Variants in RNF19B observed in about 807,000 individuals in gnomAD.
RNF19B encodes E3 ubiquitin-protein ligase RNF19B.
In RNF19B, 23 loss-of-function variants were observed where a neutral mutation model predicts 65.5. The ratio of observed to expected loss-of-function variants is 0.35; its 90% CI spans 0.25 to 0.50. The LOEUF (loss-of-function observed/expected upper bound fraction) is 0.50. RNF19B is among the 20% of genes least tolerant of loss of function. The probability of loss-of-function intolerance (pLI) is 0.98; values close to 1 mark genes in which losing one functional copy is unlikely to be tolerated. For missense variants in RNF19B, 794 were observed against 980.0 expected, an observed-to-expected ratio of 0.81 and a Z score of 2.53; for synonymous variants, 372 against 379.6, an observed-to-expected ratio of 0.98 and a Z score of 0.23.
chr1:32,942,935 T>C (rs1642273379), intron 6 of RNF19B, among the ~76,000 whole-genome samples: 1 of 151,796 alleles, frequency 6.6e-6, no homozygotes, highest in Non-Finnish European at 1.5e-5. Flanking sequence ...GGTCAGGAGA[T>C]GGAGACCATC....
In RNF19B at chr1:32,938,540, G is replaced by C; in HGVS notation, c.1611-12C>G. ...CTTGAACTTCTAACCTGTGTAAAGA[G>C]GGGACGTTCAAGTTAATATGAGACC... On this transcript the variant is annotated splice_polypyrimidine_tract_variant and intron_variant, in intron 7 of 8. Transcript: ENST00000235150. 1.2e-6 allele frequency: 2 copies of C among 1,612,954 alleles called. No homozygotes were observed. The highest frequency in any genetic ancestry group is 1.7e-6 in the Non-Finnish European group (2 of 1,179,088).
At chr1:32,948,691 G>A (rs1642423337) in intron 2 of RNF19B, among the ~76,000 whole-genome samples, 1 of 152,168 alleles carries the variant, frequency 6.6e-6, no homozygotes, top group Admixed American at 6.5e-5. Context: ...CGATAGGCTG[G>A]TAGATTTAAA....
At chr1:32,961,900 A>G (rs1406541542) in intron 1 of RNF19B, among the ~76,000 whole-genome samples, 1 of 152,196 alleles carries the variant, frequency 6.6e-6, no homozygotes, top group Non-Finnish European at 1.5e-5. Flanking sequence ...ATGATCTGCC[A>G]CATTTCTTAG....
At chr1:32,942,490 A>T (rs781475735) in intron 6 of RNF19B, 31 bp from the exon 7 acceptor site, 8 of 1,580,612 alleles carry the variant, frequency 5.1e-6, no homozygotes, top group Non-Finnish European at 6.1e-6. Flanking sequence ...CCAATTCAAG[A>T]CAGCAGAGCA....
intron 8 of RNF19B, among the ~76,000 whole-genome samples, chr1:32,937,744 A>T (rs1642138880): frequency 6.6e-6 from 1 of 152,028 alleles, no homozygotes; most frequent in Admixed American, 6.6e-5. Context: ...GAGATGGAGA[A>T]GAGTAATTAG....
chr1:32,951,289 C>T (rs569429787), intron 1 of RNF19B, among the ~76,000 whole-genome samples: 126 of 152,358 alleles, frequency 8.3e-4, no homozygotes, highest in Admixed American at 1.8e-3. Flanking sequence ...AGAGCTGTCC[C>T]CACGTCAGGC....
chr1:32,956,353 G>A (rs2124176096), intron 1 of RNF19B, among the ~76,000 whole-genome samples: 1 of 152,240 alleles, frequency 6.6e-6, no homozygotes, highest in East Asian at 1.9e-4. Context: ...CTCCAGCCTG[G>A]GTGACAGAGT....
chr1:32,952,420 C>A (rs1178816185), intron 1 of RNF19B, among the ~76,000 whole-genome samples: 4 of 118,630 alleles, frequency 3.4e-5, no homozygotes, highest in African/African-American at 1.4e-4. Context: ...ACAGCAAGAC[C>A]TTTTCTCTTA....
Position 32,949,585 on chromosome 1 carries a change from C to A in RNF19B, c.825G>T (p.Gly275=), listed in dbSNP as rs748283887. 2 of 1,613,998 alleles carry A rather than the reference C, an allele frequency of 1.2e-6. No homozygotes were observed. The highest frequency in any genetic ancestry group is 1.7e-6 in the Non-Finnish European group (2 of 1,180,010). ...AACTTATACCTGGTCCAGATTCTTG[C>A]CCATAACTGAGACCTGAAGTGTGTT... is the stretch of plus-strand genomic sequence containing the variant. ...RTKHTSGLSY[G]QESGPDDIKP... Residue 275 remains glycine (G), a synonymous_variant, in exon 2 of 9, where the codon GGG becomes GGT. Transcript: ENST00000235150.
chr1:32,931,474 T>C (rs779538810), downstream of RNF19B, among the ~76,000 whole-genome samples: 9 of 152,230 alleles, frequency 5.9e-5, no homozygotes, highest in Middle Eastern at 6.3e-3. Context: ...GAATGGCTGC[T>C]TCTGCTGGTT....
At chr1:32,958,430 G>A in intron 1 of RNF19B, among the ~76,000 whole-genome samples, 1 of 152,136 alleles carries the variant, frequency 6.6e-6, no homozygotes, top group East Asian at 1.9e-4. Context: ...AAGATGGTTG[G>A]AGATGGCCGG....
chr1:32,930,915 C>T, the RNF19B span, among the ~76,000 whole-genome samples: 2 of 152,106 alleles, frequency 1.3e-5, no homozygotes, highest in Non-Finnish European at 2.9e-5. Flanking sequence ...TGGTGAAACC[C>T]CACCTCTAGT....
chr1:32,956,713 C>A (rs1642647567), intron 1 of RNF19B, among the ~76,000 whole-genome samples: 1 of 151,564 alleles, frequency 6.6e-6, no homozygotes, highest in Non-Finnish European at 1.5e-5. Context: ...CAAGCTAGAC[C>A]ACAGCATTAC....
chr1:32,941,501 T>C (rs1350581211), intron 7 of RNF19B, among the ~76,000 whole-genome samples: 2 of 151,916 alleles, frequency 1.3e-5, no homozygotes, highest in Non-Finnish European at 1.5e-5. Context: ...GATTGCACCA[T>C]TGCACTCCAG....
intron 1 of RNF19B, among the ~76,000 whole-genome samples, chr1:32,958,304 T>C (rs1187032523): frequency 6.6e-6 from 1 of 152,262 alleles, no homozygotes; most frequent in Non-Finnish European, 1.5e-5. Flanking sequence ...TGTTTTATTT[T>C]GTTTAACTCA....
intron 1 of RNF19B, among the ~76,000 whole-genome samples, chr1:32,951,919 C>T (rs867357011): frequency 9.3e-5 from 14 of 151,032 alleles, no homozygotes; most frequent in African/African-American, 2.9e-4. Flanking sequence ...CTCAGCCTCC[C>T]GAGTAGCTGG....
intron 1 of RNF19B, among the ~76,000 whole-genome samples, chr1:32,956,405 G>A (rs1019238075): frequency 2.0e-5 from 3 of 150,988 alleles, no homozygotes; most frequent in African/African-American, 7.3e-5. Context: ...AAAATTAGCC[G>A]AGTGTGGTGG....
intron 1 of RNF19B, among the ~76,000 whole-genome samples, chr1:32,959,836 G>GAC (rs1360352974): frequency 7.0e-6 from 1 of 143,806 alleles, no homozygotes; most frequent in Admixed American, 7.3e-5. Flanking sequence ...AGGAGATCGA[G>GAC]ACCATCCTAG....
rs76781104 is a variant in RNF19B, at chr1:32,948,647, A to C, written c.842-284T>G. Among the ~76,000 whole-genome samples, 756 of 152,342 alleles carry C rather than the reference A, an allele frequency of 5.0e-3. 7 individuals are homozygous for C. Among genetic ancestry groups the C allele is most frequent in the African/African-American group, 0.016 (676 of 41,576 alleles). On this transcript the variant is annotated intron_variant, in intron 2 of 8. Transcript: ENST00000235150. The stretch of plus-strand genomic sequence containing the variant: ...AGCAAGGAGATTTCCTTAGGGAGAA[A>C]GATGTTTCCAAGAAAAATGAAATTT...
Sources: allele counts gnomAD v4.1 joint callset (sites outside exome capture counted in the v4.1 genomes callset), GRCh38; gene constraint gnomAD v4.1.1; transcripts MANE v1.5; gene names NCBI Gene and HGNC (gene_info 2026-07-23, HGNC 2026-07-21).